The following NAALADL2 variants were observed in gnomAD, a reference collection of about 807,000 sequenced individuals.
NAALADL2 encodes the protein N-acetylated alpha-linked acidic dipeptidase like 2, also known as inactive N-acetylated-alpha-linked acidic dipeptidase-like protein 2.
NAALADL2 carries 76 observed loss-of-function variants against 87.2 expected under a neutral mutation model. The ratio of observed to expected loss-of-function variants is 0.87; its 90% CI spans 0.72 to 1.05. The LOEUF (loss-of-function observed/expected upper bound fraction) is 1.05, where lower values mean the gene tolerates loss of function less well. Ranked by LOEUF, NAALADL2 falls within the 50% of genes least tolerant of loss-of-function variation. NAALADL2 has a pLI of 0.00. For synonymous variants in NAALADL2, 354 were observed against 331.0 expected (o/e 1.07, Z -0.75); for missense variants, 1,089 against 945.8 (o/e 1.15, Z -1.99).
At chr3:174,934,667 C>T (rs1170429422) in intron 1 of NAALADL2, among the ~76,000 whole-genome samples, 14 of 151,834 alleles carry the variant, frequency 9.2e-5, no homozygotes, top group Admixed American at 9.2e-4. Context: ...AACAACAAAA[C>T]ATAAACAACA....
chr3:174,565,777 G>C (rs1383466778), intron 2 of NAALADL2, among the ~76,000 whole-genome samples: 1 of 151,948 alleles, frequency 6.6e-6, no homozygotes, highest in East Asian at 1.9e-4. Flanking sequence ...GTACCATTTT[G>C]TATTTCTACC....
At chr3:175,689,496 A>G (rs1432341418) in intron 11 of NAALADL2, among the ~76,000 whole-genome samples, 1 of 152,160 alleles carries the variant, frequency 6.6e-6, no homozygotes, top group Non-Finnish European at 1.5e-5. Context: ...TAATAGATTG[A>G]GTTTTAACCA....
chr3:175,114,374 G>A (rs1330124365), intron 2 of NAALADL2, among the ~76,000 whole-genome samples: 1 of 151,602 alleles, frequency 6.6e-6, no homozygotes, highest in Admixed American at 6.6e-5. Flanking sequence ...ATCTGGCAGG[G>A]ATAGAGAATA....
chr3:174,733,920 T>C (rs576171803), intron 2 of NAALADL2, among the ~76,000 whole-genome samples: 34 of 152,286 alleles, frequency 2.2e-4, no homozygotes, highest in African/African-American at 8.2e-4. Context: ...AGTTCTTTGA[T>C]ACTTTTTGAG....
At chr3:175,747,756 C>T (rs974150845) in intron 12 of NAALADL2, among the ~76,000 whole-genome samples, 3 of 152,036 alleles carry the variant, frequency 2.0e-5, no homozygotes, top group Non-Finnish European at 4.4e-5. Context: ...TAAACTCCAC[C>T]TGAATTTAAT....
chr3:174,938,101 T>C (rs1438698374), intron 1 of NAALADL2, among the ~76,000 whole-genome samples: 1 of 152,000 alleles, frequency 6.6e-6, no homozygotes, highest in Non-Finnish European at 1.5e-5. Context: ...AGGGCTTCGT[T>C]GTACTGATTA....
At chr3:175,541,652 A>G (rs2149470049) in intron 9 of NAALADL2, among the ~76,000 whole-genome samples, 1 of 150,296 alleles carries the variant, frequency 6.7e-6, no homozygotes, top group Middle Eastern at 3.4e-3. Context: ...GCCAAGATAC[A>G]CTTGTTTCCT....
intron 1 of NAALADL2, among the ~76,000 whole-genome samples, chr3:175,066,951 C>T (rs1307610958): frequency 2.6e-5 from 4 of 152,120 alleles, no homozygotes; most frequent in Admixed American, 2.0e-4. Flanking sequence ...TTGTAAATGT[C>T]AAGGCCTATC....
chr3:174,511,869 A>G (rs991984755), intron 1 of NAALADL2, among the ~76,000 whole-genome samples: 9 of 152,110 alleles, frequency 5.9e-5, no homozygotes, highest in African/African-American at 1.9e-4. Context: ...TTAACTTTTC[A>G]GAGTTTACCA....
chr3:175,241,074 CTG>C (rs1746783800), intron 3 of NAALADL2, among the ~76,000 whole-genome samples: 1 of 152,154 alleles, frequency 6.6e-6, no homozygotes, highest in Admixed American at 6.5e-5. Context: ...AGATAAATGA[CTG>C]TGAATGCAGC....
chr3:175,267,707 G>A (rs1403242703), intron 4 of NAALADL2, among the ~76,000 whole-genome samples: 2 of 152,034 alleles, frequency 1.3e-5, no homozygotes, highest in Non-Finnish European at 2.9e-5. Context: ...GTCTTCATGT[G>A]TACATTTGCA....
chr3:174,877,520 A>G (rs1728659233), intron 1 of NAALADL2, among the ~76,000 whole-genome samples: 1 of 152,066 alleles, frequency 6.6e-6, no homozygotes, highest in Non-Finnish European at 1.5e-5. Flanking sequence ...ACAAAGAAAA[A>G]CATCATTTTA....
chr3:175,383,945 T>A (rs748154207), intron 5 of NAALADL2, among the ~76,000 whole-genome samples: 6 of 152,110 alleles, frequency 3.9e-5, no homozygotes, highest in Non-Finnish European at 7.4e-5. Context: ...ATTCTGATTC[T>A]GTCAGATTTT....
At chr3:175,460,311 TATA>T (rs2149260047) in intron 6 of NAALADL2, 1 of 405,098 alleles carries the variant, frequency 2.5e-6, no homozygotes, top group African/African-American at 2.1e-5. Context: ...TATGGAATAA[TATA>T]AAACAATATG....
chr3:174,578,111 G>T (rs552568391), intron 2 of NAALADL2, among the ~76,000 whole-genome samples: 1 of 151,956 alleles, frequency 6.6e-6, no homozygotes, highest in Non-Finnish European at 1.5e-5. Context: ...GTTTTAAAAA[G>T]TTAACGTATT....
At chr3:175,314,164 C>T (rs1287884128) in intron 4 of NAALADL2, among the ~76,000 whole-genome samples, 10 of 151,594 alleles carry the variant, frequency 6.6e-5, no homozygotes, top group African/African-American at 2.2e-4. Flanking sequence ...ATGTTACTGC[C>T]GTGTCCTGCC....
intron 1 of NAALADL2, among the ~76,000 whole-genome samples, chr3:174,453,188 C>G (rs1715599622): frequency 6.6e-6 from 1 of 151,884 alleles, no homozygotes. Context: ...AGTCTCAGAG[C>G]TTGAAGACTG....
At chr3:175,739,297 G>A (rs1000739848) in intron 12 of NAALADL2, among the ~76,000 whole-genome samples, 1 of 152,060 alleles carries the variant, frequency 6.6e-6, no homozygotes, top group African/African-American at 2.4e-5. Context: ...TATTTGTGAC[G>A]ATTCGGTTGT....
At chr3:174,766,389 A>T (rs1014973746) in intron 3 of NAALADL2, among the ~76,000 whole-genome samples, 1 of 152,166 alleles carries the variant, frequency 6.6e-6, no homozygotes, top group Non-Finnish European at 1.5e-5. Context: ...TTGAGGGTCA[A>T]TGCTTTCTTC....
Sources: allele counts gnomAD v4.1 joint callset (sites outside exome capture counted in the v4.1 genomes callset), GRCh38; gene constraint gnomAD v4.1.1; transcripts MANE v1.5; gene names NCBI Gene and HGNC (gene_info 2026-07-23, HGNC 2026-07-21).